The following ADCY7 variants were observed in gnomAD, a reference collection of about 807,000 sequenced individuals.
The protein encoded by ADCY7 is adenylate cyclase type 7.
In ADCY7, 72 loss-of-function variants were observed where a neutral mutation model predicts 120.6. The observed-to-expected ratio is 0.60, with a 90% CI of 0.49 to 0.73. The LOEUF (loss-of-function observed/expected upper bound fraction) is 0.73, where lower values mean the gene tolerates loss of function less well. Among genes scored for constraint, ADCY7 ranks in the 30% least tolerant of loss-of-function variants. ADCY7 has a pLI of 0.00. For synonymous variants in ADCY7, 661 were observed against 628.0 expected (o/e 1.05, Z -0.78); for missense variants, 1,227 against 1,486.0 (o/e 0.83, Z 2.87).
intron 10 of ADCY7, 28 bp downstream of exon 10, chr16:50,301,242 G>T: frequency 6.4e-7 from 1 of 1,557,462 alleles, no homozygotes. Flanking sequence ...CCGCAGCTGG[G>T]GGGGACCCGG....
rs78247658 is a variant in ADCY7, at chr16:50,292,858, A to G, written c.687+33A>G. On this transcript the variant is annotated intron_variant, in intron 5 of 25. Coordinates refer to ENST00000673801, the MANE Select transcript of ADCY7 (RefSeq NM_001114.5). ...CCGGCCCCCACTCCTCACCCTGTAC[A>G]CCCCTGTCCTCTTCCTCTTTCTGTT... 573 of 1,601,062 alleles carry G rather than the reference A, an allele frequency of 3.6e-4. 4 individuals are homozygous for G. The African/African-American group carries it at 6.7e-3, about 19-fold the overall frequency.
Position 50,309,609 on chromosome 16 carries a change from C to T in ADCY7, c.2123C>T (p.Ala708Val), listed in dbSNP as rs763347673. Residue 708 changes from alanine (A) to valine (V), a missense_variant, in exon 18 of 26, where the codon GCG (alanine) becomes GTG (valine). Around this residue, in one of 5 missense-constraint regions of ADCY7, gnomAD observed 267 missense variants for 270.0 expected, o/e 0.99. Coordinates refer to ENST00000673801, the MANE Select transcript of ADCY7 (RefSeq NM_001114.5). The stretch of plus-strand genomic sequence containing the variant: ...GGCAATGAGACAGGCCTACTGGCCG[C>T]GAGCAGCAAGACAAGAGCCCTGTGT... The part of the protein sequence containing the change: ...PVGNETGLLA[A>V]SSKTRALCEP... 36 of 1,612,794 alleles carry T rather than the reference C, an allele frequency of 2.2e-5. No homozygotes were observed. The highest frequency in any genetic ancestry group is 1.6e-4 in the Middle Eastern group (1 of 6,062).
upstream of ADCY7, chr16:50,266,510 C>CCGCTG (rs2033220390): frequency 6.1e-6 from 1 of 164,432 alleles, no homozygotes; most frequent in Non-Finnish European, 1.3e-5. Context: ...GCCGCTGCTG[C>CCGCTG]CGCTGCCGGA....
At chr16:50,275,468 A>G (rs753411689) in intron 1 of ADCY7, among the ~76,000 whole-genome samples, 1 of 152,200 alleles carries the variant, frequency 6.6e-6, no homozygotes, top group Non-Finnish European at 1.5e-5. Flanking sequence ...GCATTTCCCA[A>G]AGGAGGTTCA....
At chr16:50,311,585 G>C (rs2036462878) in intron 19 of ADCY7, 108 bp from the exon 20 acceptor site, 2 of 776,234 alleles carry the variant, frequency 2.6e-6, no homozygotes, top group African/African-American at 1.7e-5. Flanking sequence ...CACCCCATTA[G>C]AATCAATTTT....
intron 1 of ADCY7, among the ~76,000 whole-genome samples, chr16:50,285,110 G>A (rs2034499790): frequency 6.6e-6 from 1 of 152,226 alleles, no homozygotes; most frequent in African/African-American, 2.4e-5. Flanking sequence ...AAACTAGTGG[G>A]CTGCAAATAT....
chr16:50,283,527 G>C (rs2034404012), intron 1 of ADCY7, among the ~76,000 whole-genome samples: 1 of 152,246 alleles, frequency 6.6e-6, no homozygotes, highest in African/African-American at 2.4e-5. Flanking sequence ...GCCACACTGG[G>C]GTCATGTGGC....
intron 17 of ADCY7, 31 bp downstream of exon 17, chr16:50,308,823 G>C: frequency 6.3e-7 from 1 of 1,577,988 alleles, no homozygotes; most frequent in Non-Finnish European, 8.6e-7. Flanking sequence ...GCAGGCCTCC[G>C]GGGTAGAGGG....
chr16:50,266,308 T>C (rs2033208249), upstream of ADCY7, among the ~76,000 whole-genome samples: 1 of 152,204 alleles, frequency 6.6e-6, no homozygotes, highest in Non-Finnish European at 1.5e-5. Context: ...TTTTTGGTGC[T>C]TGTTTTATTA....
At chr16:50,298,857 C>A in intron 7 of ADCY7, 47 bp from the exon 8 acceptor site, 5 of 1,587,774 alleles carry the variant, frequency 3.1e-6, no homozygotes, top group Non-Finnish European at 4.3e-6. Context: ...CGTGAGAGGT[C>A]CCAGCCCCAC....
upstream of ADCY7, among the ~76,000 whole-genome samples, chr16:50,262,472 G>A (rs1037006398): frequency 2.6e-5 from 4 of 151,878 alleles, no homozygotes; most frequent in Non-Finnish European, 5.9e-5. Context: ...GGATTCAGGC[G>A]CCTGCCCTCA....
chr16:50,281,737 TGGG>T (rs1299704663), intron 1 of ADCY7, among the ~76,000 whole-genome samples: 4 of 152,018 alleles, frequency 2.6e-5, no homozygotes, highest in Non-Finnish European at 5.9e-5. Flanking sequence ...GGGCTGGGCT[TGGG>T]GGGATGGGAC....
At chr16:50,301,855 C>T (rs2035743336) in intron 10 of ADCY7, 1 of 153,490 alleles carries the variant, frequency 6.5e-6, no homozygotes, top group South Asian at 2.0e-4. Context: ...GCGAGTGGCT[C>T]CTTTCACTCT....
chr16:50,248,671 G>A (rs576120463), intron 1 of ADCY7, among the ~76,000 whole-genome samples: 2 of 152,330 alleles, frequency 1.3e-5, no homozygotes, highest in East Asian at 3.9e-4. Flanking sequence ...AGGAAGAAAA[G>A]CAAAACTTTA....
At chr16:50,250,456 CAAA>C (rs34443362) in intron 1 of ADCY7, among the ~76,000 whole-genome samples, 5 of 69,132 alleles carry the variant, frequency 7.2e-5, no homozygotes, top group Admixed American at 3.1e-4. Flanking sequence ...GACTCTATCT[CAAA>C]AAAAAAAAAA....
At chr16:50,314,783 G>A (rs976182334) in intron 24 of ADCY7, 107 of 540,870 alleles carry the variant, frequency 2.0e-4, no homozygotes, top group Non-Finnish European at 3.3e-4. Flanking sequence ...GCAGATACAA[G>A]TGTTAACATC....
In ADCY7 at chr16:50,291,735, G is replaced by T; in HGVS notation, c.376-1G>T. ...CCGGGCTCACCAGGCTGCATCCACA[G>T]GTGCCCTTCTTCCTGTTCATTGTCT... On this transcript the variant is annotated splice_acceptor_variant, in intron 3 of 25. Transcript: ENST00000673801. LOFTEE classifies it high-confidence loss of function. The T allele has an allele frequency of 6.2e-7, 1 of 1,614,062 alleles. No individual in the cohort carries two copies. Among genetic ancestry groups the T allele is most frequent in the Middle Eastern group, 1.7e-4 (1 of 6,060 alleles).
chr16:50,292,718 G>A lies in ADCY7; in HGVS notation c.580G>A (p.Gly194Ser), dbSNP rs2035069941. The A allele has an allele frequency of 1.2e-6, 2 of 1,613,998 alleles. No homozygotes were observed. Among genetic ancestry groups the A allele is most frequent in the Non-Finnish European group, 1.7e-6 (2 of 1,180,002 alleles). Residue 194 changes from glycine (G) to serine (S), a missense_variant, in exon 5 of 26, where the codon GGC (glycine) becomes AGC (serine). Around this residue, in one of 5 missense-constraint regions of ADCY7, gnomAD observed 382 missense variants for 411.4 expected, o/e 0.93. Transcript: ENST00000673801. The stretch of plus-strand genomic sequence containing the variant: ...CATCTTCCTGTGTGGGAACCTGACA[G>A]GCGCCTTCCACAAGCACCAAATGCA... ...AVIFLCGNLT[G>S]AFHKHQMQDA...
chr16:50,269,820 T>C (rs2033444567), intron 1 of ADCY7, among the ~76,000 whole-genome samples: 1 of 152,208 alleles, frequency 6.6e-6, no homozygotes, highest in Admixed American at 6.5e-5. Flanking sequence ...GCAGAGTGGG[T>C]CACAGTGGAT....
Sources: allele counts gnomAD v4.1 joint callset (sites outside exome capture counted in the v4.1 genomes callset), GRCh38; gene constraint gnomAD v4.1.1; regional missense constraint gnomAD v4.1.1; transcripts MANE v1.5; gene names NCBI Gene and HGNC (gene_info 2026-07-23, HGNC 2026-07-21).